The following AAK1 variants were observed in gnomAD, a reference collection of about 807,000 sequenced individuals.
AAK1 encodes AP2-associated protein kinase 1.
AAK1 carries 37 observed loss-of-function variants against 116.0 expected under a neutral mutation model. The ratio of observed to expected loss-of-function variants is 0.32; its 90% CI spans 0.25 to 0.42. The LOEUF (loss-of-function observed/expected upper bound fraction) is 0.42. AAK1 is among the 10% of genes least tolerant of loss of function. AAK1 has a pLI of 1.00. For synonymous variants in AAK1, 458 were observed against 439.9 expected, an observed-to-expected ratio of 1.04 and a Z score of -0.51; for missense variants, 919 against 1,170.6, an observed-to-expected ratio of 0.79 and a Z score of 3.14.
intron 2 of AAK1, among the ~76,000 whole-genome samples, chr2:69,584,504 C>A (rs1192096461): frequency 6.6e-6 from 1 of 152,180 alleles, no homozygotes; most frequent in African/African-American, 2.4e-5. Flanking sequence ...GTAGGGGTAA[C>A]TTTTTCTCTT....
chr2:69,643,177 G>A lies in AAK1; in HGVS notation c.-137C>T, dbSNP rs1675824799. ...AGAGGAGCCACCCGAATCCGGCCGT[G>A]GGGGTGGGGGCTGAGGGAGGATGCC... On this transcript the variant is annotated 5_prime_UTR_variant, in exon 2 of 22. Transcript: ENST00000409085. 1 of 1,433,962 alleles carries A rather than the reference G, an allele frequency of 7.0e-7. No individual in the cohort carries two copies. The highest frequency in any genetic ancestry group is 1.4e-5 in the African/African-American group (1 of 69,148). 88.8% of individuals were successfully genotyped at this position (1,433,962 alleles called of 1,614,324 possible).
chr2:69,618,853 T>A (rs540950832), intron 2 of AAK1, among the ~76,000 whole-genome samples: 1 of 152,228 alleles, frequency 6.6e-6, no homozygotes, highest in Admixed American at 6.5e-5. Flanking sequence ...ATCTTAAACA[T>A]CAGTCTCCCC....
In AAK1 at chr2:69,508,586, G is replaced by C. The variant is rs563227174; in HGVS notation, c.2006+645C>G. Reference sequence around the variant, plus strand: ...TCTTGGAGAACTCACAAACCAGTTCGGTCAGACATACAAATAATTAACGAC... The same window carrying C: ...TCTTGGAGAACTCACAAACCAGTTCCGTCAGACATACAAATAATTAACGAC... On this transcript the variant is annotated intron_variant, in intron 14 of 21. Coordinates refer to ENST00000409085, the MANE Select transcript of AAK1 (RefSeq NM_014911.5). 2.6e-5 allele frequency among the ~76,000 whole-genome samples: 4 copies of C among 152,258 alleles called. No homozygotes were observed. The South Asian group carries it at 8.3e-4, about 32-fold the overall frequency.
chr2:69,487,171 C>A (rs1055262199), intron 17 of AAK1, among the ~76,000 whole-genome samples: 1 of 152,096 alleles, frequency 6.6e-6, no homozygotes, highest in Admixed American at 6.5e-5. Context: ...AAAGCTATTA[C>A]TGGTCATTTT....
rs1456299221 is a variant in AAK1, at chr2:69,461,093, T to C, written c.*14776A>G. The C allele has an allele frequency of 6.6e-6, 1 of 152,112 alleles. No homozygotes were observed. Among genetic ancestry groups the C allele is most frequent in the African/African-American group, 2.4e-5 (1 of 41,432 alleles). The allele number at this position is 152,112 out of a possible 1,614,324, so 9.4% of individuals were successfully genotyped here. A position where few individuals can be genotyped will look rare whatever the true frequency, so the allele number is the denominator to read the frequency against. ...CATCAATGATGGACCACATATACCA[T>C]GATGGTCCCATAAGATTATACCATA... On this transcript the variant is annotated 3_prime_UTR_variant, in exon 22 of 22. Transcript: ENST00000409085.
intron 8 of AAK1, among the ~76,000 whole-genome samples, chr2:69,528,888 C>T (rs1330102993): frequency 6.6e-6 from 1 of 152,150 alleles, no homozygotes; most frequent in East Asian, 1.9e-4. Context: ...TATTTCCTAC[C>T]AATCTCACTT....
At chr2:69,511,776 G>C (rs1424859875) in intron 13 of AAK1, among the ~76,000 whole-genome samples, 2 of 152,174 alleles carry the variant, frequency 1.3e-5, no homozygotes, top group African/African-American at 4.8e-5. Flanking sequence ...GAGTTGGATA[G>C]TTTTCTTACC....
At chr2:69,561,390 G>A (rs1168067332) in intron 2 of AAK1, among the ~76,000 whole-genome samples, 1 of 152,118 alleles carries the variant, frequency 6.6e-6, no homozygotes, top group African/African-American at 2.4e-5. Flanking sequence ...CCCAGCATGT[G>A]TATACGACTT....
At chr2:69,631,480 A>G (rs1675171900) in intron 2 of AAK1, among the ~76,000 whole-genome samples, 1 of 152,232 alleles carries the variant, frequency 6.6e-6, no homozygotes, top group South Asian at 2.1e-4. Context: ...TTTTTTGACA[A>G]AAATAACAAA....
chr2:69,483,439 T>C (rs1006814829), intron 17 of AAK1, among the ~76,000 whole-genome samples: 2 of 152,232 alleles, frequency 1.3e-5, no homozygotes, highest in African/African-American at 2.4e-5. Flanking sequence ...TCCTGTTCCA[T>C]TGTATGGCTG....
chr2:69,485,997 C>A (rs1327193977), intron 17 of AAK1, among the ~76,000 whole-genome samples: 1 of 151,808 alleles, frequency 6.6e-6, no homozygotes, highest in East Asian at 1.9e-4. Context: ...CTCTGCCACC[C>A]GGGCTGAAGT....
At chr2:69,618,532 T>C (rs1674442510) in intron 2 of AAK1, among the ~76,000 whole-genome samples, 2 of 152,222 alleles carry the variant, frequency 1.3e-5, no homozygotes, top group South Asian at 4.1e-4. Flanking sequence ...CTTGCTCTCC[T>C]GAGTTGACTC....
intron 5 of AAK1, among the ~76,000 whole-genome samples, chr2:69,533,511 T>C (rs1244600504): frequency 2.0e-5 from 3 of 152,240 alleles, no homozygotes; most frequent in African/African-American, 4.8e-5. Context: ...TTATAGTCTG[T>C]ATCTGCCAAT....
intron 19 of AAK1, among the ~76,000 whole-genome samples, chr2:69,480,282 A>G (rs1169031865): frequency 6.6e-6 from 1 of 151,848 alleles, no homozygotes; most frequent in African/African-American, 2.4e-5. Flanking sequence ...AAAAAGAAGA[A>G]GGTTACCAAA....
chr2:69,570,249 T>C (rs1423161180), intron 2 of AAK1, among the ~76,000 whole-genome samples: 1 of 151,736 alleles, frequency 6.6e-6, no homozygotes, highest in Non-Finnish European at 1.5e-5. Flanking sequence ...TCTCAGGAGG[T>C]TCACACATGC....
At chr2:69,601,713 T>G (rs1313565683) in intron 2 of AAK1, among the ~76,000 whole-genome samples, 1 of 152,184 alleles carries the variant, frequency 6.6e-6, no homozygotes, top group African/African-American at 2.4e-5. Flanking sequence ...ACGGACTGAA[T>G]GGTTCACTTT....
intron 16 of AAK1, among the ~76,000 whole-genome samples, chr2:69,496,907 CA>C (rs1675767301): frequency 6.6e-6 from 1 of 152,144 alleles, no homozygotes; most frequent in Non-Finnish European, 1.5e-5. Flanking sequence ...CAAGGTTAGA[CA>C]AGCCCTAATC....
intron 2 of AAK1, among the ~76,000 whole-genome samples, chr2:69,628,491 G>A (rs1213729165): frequency 1.3e-5 from 2 of 152,064 alleles, no homozygotes; most frequent in East Asian, 3.9e-4. Context: ...ATATATCCAA[G>A]ATCACTGAAG....
intron 2 of AAK1, among the ~76,000 whole-genome samples, chr2:69,642,495 C>T (rs866130847): frequency 1.3e-5 from 2 of 151,986 alleles, no homozygotes; most frequent in African/African-American, 4.8e-5. Context: ...TCTTAAAAGT[C>T]CCCCCACCCT....
Sources: gnomAD v4.1 joint callset for allele counts (sites outside exome capture counted in the v4.1 genomes callset) on GRCh38, gnomAD v4.1.1 for gene constraint, MANE v1.5 for transcripts, NCBI Gene and HGNC (gene_info 2026-07-23, HGNC 2026-07-21) for gene names.